CNTN4: variants seen among roughly 807,000 people sequenced by gnomAD.
CNTN4 encodes contactin-4.
In CNTN4, 77 loss-of-function variants were observed where a neutral mutation model predicts 122.5. That is an observed-to-expected ratio of 0.63 (90% CI 0.52 to 0.76). The LOEUF is 0.76. CNTN4 is among the 30% of genes least tolerant of loss of function. CNTN4 has a pLI of 0.00. For synonymous variants in CNTN4, 512 were observed against 447.0 expected, an observed-to-expected ratio of 1.15 and a Z score of -1.83; for missense variants, 1,256 against 1,259.1, an observed-to-expected ratio of 1.00 and a Z score of 0.04.
intron 6 of CNTN4, among the ~76,000 whole-genome samples, chr3:2,781,747 C>T (rs1442106678): frequency 1.1e-4 from 11 of 99,802 alleles, no homozygotes; most frequent in South Asian, 3.4e-4. Flanking sequence ...TTTTTTGAGA[C>T]GGAGTGTCGC....
At chr3:2,573,488 T>C (rs916554133) in intron 4 of CNTN4, among the ~76,000 whole-genome samples, 1 of 152,188 alleles carries the variant, frequency 6.6e-6, no homozygotes, top group African/African-American at 2.4e-5. Context: ...ACTTTAGAGT[T>C]TTAACTTCTC....
intron 14 of CNTN4, among the ~76,000 whole-genome samples, chr3:3,001,401 G>C (rs1326306718): frequency 6.6e-6 from 1 of 152,136 alleles, no homozygotes; most frequent in African/African-American, 2.4e-5. Flanking sequence ...TGAGTAAGAG[G>C]AAAAAAGAGG....
chr3:2,744,436 T>C (rs1382620434), intron 5 of CNTN4, among the ~76,000 whole-genome samples: 2 of 152,256 alleles, frequency 1.3e-5, no homozygotes, highest in Middle Eastern at 3.2e-3. Flanking sequence ...GGTTAATGGC[T>C]CTCATTCCTT....
At chr3:2,649,780 T>C (rs2150182123) in intron 4 of CNTN4, among the ~76,000 whole-genome samples, 1 of 152,076 alleles carries the variant, frequency 6.6e-6, no homozygotes, top group East Asian at 1.9e-4. Context: ...CTGATGGATC[T>C]CGGCAAAGTA....
chr3:3,010,738 G>T (rs1455764047), intron 14 of CNTN4, among the ~76,000 whole-genome samples: 1 of 152,154 alleles, frequency 6.6e-6, no homozygotes, highest in African/African-American at 2.4e-5. Context: ...CTTCCCAGTG[G>T]TGTCAGGTCA....
chr3:2,608,791 G>C (rs1268792951), intron 4 of CNTN4, among the ~76,000 whole-genome samples: 1 of 152,178 alleles, frequency 6.6e-6, no homozygotes, highest in African/African-American at 2.4e-5. Flanking sequence ...TTGCCCCTTG[G>C]CTCTTTTTAA....
chr3:2,709,529 T>G lies in CNTN4; in HGVS notation c.56-26686T>G. Reference sequence around the variant, plus strand: ...TATCGTTTGCCTCAGGCTAAAGATTTATGCCAGACTTCTAGACCAGTCTCC... The same window carrying G: ...TATCGTTTGCCTCAGGCTAAAGATTGATGCCAGACTTCTAGACCAGTCTCC... On this transcript the variant is annotated intron_variant, in intron 4 of 24. Coordinates refer to ENST00000418658, the MANE Select transcript of CNTN4 (RefSeq NM_175607.3). The surrounding 1 kb of genome is among the most constrained non-coding windows in gnomAD (Gnocchi z 5.0). 6.6e-6 allele frequency among the ~76,000 whole-genome samples: 1 copy of G among 152,234 alleles called. No homozygotes were observed. Among genetic ancestry groups the G allele is most frequent in the East Asian group, 1.9e-4 (1 of 5,200 alleles).
chr3:2,158,912 A>G (rs2149163922), intron 2 of CNTN4, among the ~76,000 whole-genome samples: 1 of 152,280 alleles, frequency 6.6e-6, no homozygotes, highest in Middle Eastern at 3.4e-3. Context: ...CATTCTTTTT[A>G]AAGCATAGTC....
chr3:2,818,831 ACAC>A (rs1233622958), intron 6 of CNTN4, among the ~76,000 whole-genome samples: 2 of 152,210 alleles, frequency 1.3e-5, no homozygotes, highest in African/African-American at 2.4e-5. Context: ...ATTTCAAACT[ACAC>A]CACAAGAACT....
chr3:2,651,263 G>A (rs1233006198), intron 4 of CNTN4, among the ~76,000 whole-genome samples: 1 of 152,080 alleles, frequency 6.6e-6, no homozygotes, highest in African/African-American at 2.4e-5. Context: ...GACAAGCAGG[G>A]TAGAAAAAAA....
intron 4 of CNTN4, among the ~76,000 whole-genome samples, chr3:2,686,348 G>A (rs957244685): frequency 3.9e-5 from 6 of 152,074 alleles, no homozygotes; most frequent in African/African-American, 1.4e-4. Flanking sequence ...AACAGTATGA[G>A]AGATCACAGC....
At chr3:2,922,252 T>A (rs887253297) in intron 12 of CNTN4, among the ~76,000 whole-genome samples, 1 of 152,218 alleles carries the variant, frequency 6.6e-6, no homozygotes, top group African/African-American at 2.4e-5. Flanking sequence ...AGTGCCCTTC[T>A]GGGGATTTAC....
At chr3:2,860,369 T>C (rs564280164) in intron 7 of CNTN4, among the ~76,000 whole-genome samples, 3 of 152,276 alleles carry the variant, frequency 2.0e-5, no homozygotes, top group African/African-American at 7.2e-5. Context: ...GTGACAGATA[T>C]CTGTCATCCC....
At chr3:2,821,478 T>C (rs1393512605) in intron 7 of CNTN4, among the ~76,000 whole-genome samples, 1 of 152,236 alleles carries the variant, frequency 6.6e-6, no homozygotes, top group Non-Finnish European at 1.5e-5. Context: ...TTTACCTTTA[T>C]TATCGTAAGT....
chr3:2,808,208 A>G (rs4685562), intron 6 of CNTN4, among the ~76,000 whole-genome samples: 1 of 140,904 alleles, frequency 7.1e-6, no homozygotes, highest in Non-Finnish European at 1.6e-5. Flanking sequence ...TTGATCATGA[A>G]CTGTGGTCCT....
intron 2 of CNTN4, among the ~76,000 whole-genome samples, chr3:2,182,629 A>C (rs917746912): frequency 3.9e-5 from 6 of 152,150 alleles, no homozygotes; most frequent in African/African-American, 1.2e-4. Flanking sequence ...ACCTGACTTA[A>C]AATTAGGAGT....
intron 3 of CNTN4, among the ~76,000 whole-genome samples, chr3:2,374,237 A>G (rs954364291): frequency 2.6e-5 from 4 of 152,146 alleles, no homozygotes; most frequent in Admixed American, 6.5e-5. Context: ...AAAATACAGA[A>G]TGACCTATCC....
At chr3:2,270,954 C>G (rs2041269999) in intron 2 of CNTN4, among the ~76,000 whole-genome samples, 1 of 152,140 alleles carries the variant, frequency 6.6e-6, no homozygotes, top group Admixed American at 6.6e-5. Context: ...AAAGAACTAT[C>G]TCTGAAGTTG....
At chr3:2,850,575 C>T (rs1302273729) in intron 7 of CNTN4, among the ~76,000 whole-genome samples, 2 of 152,154 alleles carry the variant, frequency 1.3e-5, no homozygotes, top group Non-Finnish European at 2.9e-5. Flanking sequence ...ATGTTCTGTG[C>T]CATGTGAGAC....
Sources: gnomAD v4.1 joint callset for allele counts (sites outside exome capture counted in the v4.1 genomes callset) on GRCh38, gnomAD v4.1.1 for gene constraint, Gnocchi (gnomAD v3.1) non-coding constraint, MANE v1.5 for transcripts, NCBI Gene and HGNC (gene_info 2026-07-23, HGNC 2026-07-21) for gene names.